ASCC3: variants seen among roughly 807,000 people sequenced by gnomAD.
ASCC3 encodes the protein activating signal cointegrator 1 complex subunit 3, also known as ASC-1 complex subunit P200.
Under a neutral mutation model 256.3 loss-of-function variants are expected in ASCC3, and 158 were observed. The observed-to-expected ratio is 0.62, with a 90% CI of 0.54 to 0.70. The LOEUF is 0.70. ASCC3 is among the 30% of genes least tolerant of loss of function. The pLI is 0.00. For missense variants in ASCC3, 2,259 were observed against 2,626.0 expected (o/e 0.86, Z 3.05); for synonymous variants, 948 against 883.4 (o/e 1.07, Z -1.30).
chr6:100,837,612 A>C (rs946679057), intron 4 of ASCC3, among the ~76,000 whole-genome samples: 19 of 152,156 alleles, frequency 1.2e-4, no homozygotes, highest in African/African-American at 4.6e-4. Flanking sequence ...CATTATGTTA[A>C]GTAAAATAAG....
At chr6:100,855,507 G>T (rs1348002809) in intron 3 of ASCC3, among the ~76,000 whole-genome samples, 1 of 152,144 alleles carries the variant, frequency 6.6e-6, no homozygotes, top group Non-Finnish European at 1.5e-5. Context: ...AAGTACTCTT[G>T]ATTTTTATAA....
intron 40 of ASCC3, 80 bp from the exon 41 acceptor site, chr6:100,510,187 T>C (rs2114597733): frequency 6.8e-7 from 1 of 1,480,782 alleles, no homozygotes; most frequent in South Asian, 1.1e-5. Context: ...GGCTACGTTG[T>C]CTTACTTGAA....
At chr6:100,872,740 G>T (rs1010771269) in intron 1 of ASCC3, among the ~76,000 whole-genome samples, 3 of 152,118 alleles carry the variant, frequency 2.0e-5, no homozygotes, top group Non-Finnish European at 2.9e-5. Flanking sequence ...CCCAGTACCA[G>T]CCCAAAGCCT....
chr6:100,605,557 A>G lies in ASCC3; in HGVS notation c.5177+11T>C, dbSNP rs754865218. 59 of 1,469,238 alleles carry G rather than the reference A, an allele frequency of 4.0e-5. No homozygotes were observed. Among genetic ancestry groups the G allele is most frequent in the East Asian group, 2.3e-5 (1 of 44,076 alleles). The allele number at this position is 1,469,238 out of a possible 1,614,324, so 91.0% of individuals were successfully genotyped here. A position where few individuals can be genotyped will look rare whatever the true frequency, so the allele number is the denominator to read the frequency against. On this transcript the variant is annotated intron_variant, in intron 33 of 41. Transcript: ENST00000369162. ...AATAAATCCATTTAAACTAATTTAA[A>G]TAAGATTTACCTTGATTCTACTGGG...
intron 18 of ASCC3, among the ~76,000 whole-genome samples, chr6:100,652,360 G>A (rs1390725096): frequency 6.6e-6 from 1 of 152,098 alleles, no homozygotes; most frequent in Non-Finnish European, 1.5e-5. Flanking sequence ...TATGTTTAAA[G>A]GTTTTGAAGA....
At chr6:100,716,859 C>T (rs1779110576) in intron 12 of ASCC3, among the ~76,000 whole-genome samples, 1 of 151,882 alleles carries the variant, frequency 6.6e-6, no homozygotes, top group Non-Finnish European at 1.5e-5. Context: ...AAACAACTGT[C>T]TTCTCTTTAT....
At chr6:100,828,855 G>A (rs981580981) in intron 4 of ASCC3, among the ~76,000 whole-genome samples, 1 of 152,068 alleles carries the variant, frequency 6.6e-6, no homozygotes, top group Non-Finnish European at 1.5e-5. Flanking sequence ...CAAGCAGGTT[G>A]CCACTGCTAG....
At chr6:100,553,676 T>G (rs1769417836) in intron 36 of ASCC3, among the ~76,000 whole-genome samples, 1 of 152,042 alleles carries the variant, frequency 6.6e-6, no homozygotes, top group African/African-American at 2.4e-5. Context: ...TGTAACCCCC[T>G]GCTACTGTTT....
chr6:100,759,202 G>A (rs1420907752), intron 10 of ASCC3, among the ~76,000 whole-genome samples: 3 of 152,122 alleles, frequency 2.0e-5, no homozygotes, highest in South Asian at 4.1e-4. Flanking sequence ...TGTTTACTCT[G>A]ATGATAGTTT....
intron 8 of ASCC3, among the ~76,000 whole-genome samples, chr6:100,794,032 TACAC>T (rs1769481957): frequency 1.3e-5 from 2 of 152,052 alleles, no homozygotes; most frequent in African/African-American, 4.8e-5. Context: ...AGGTCTTACA[TACAC>T]TAGCAGCTAA....
chr6:100,840,130 G>A (rs1463454642), intron 4 of ASCC3, among the ~76,000 whole-genome samples: 1 of 152,104 alleles, frequency 6.6e-6, no homozygotes, highest in Admixed American at 6.6e-5. Context: ...AAACTTGGGA[G>A]AAAATGGGCA....
chr6:100,627,076 T>C (rs1774275120), intron 29 of ASCC3, among the ~76,000 whole-genome samples: 1 of 152,192 alleles, frequency 6.6e-6, no homozygotes, highest in Admixed American at 6.6e-5. Context: ...GAGGTTATTT[T>C]TAATTGATAT....
chr6:100,511,873 G>A (rs1248882847), intron 40 of ASCC3, among the ~76,000 whole-genome samples: 7 of 152,282 alleles, frequency 4.6e-5, no homozygotes, highest in South Asian at 4.2e-4. Flanking sequence ...ATCATTTTGT[G>A]TGTGAGAACA....
At chr6:100,512,981 A>G in intron 39 of ASCC3, 63 bp from the exon 40 acceptor site, 1 of 1,439,340 alleles carries the variant, frequency 6.9e-7, no homozygotes, top group South Asian at 1.2e-5. Flanking sequence ...TGATCAATTA[A>G]GAAATAGTGT....
At position 100,564,150 on chromosome 6, in the gene ASCC3, T is replaced by G. The variant is rs571671871; in HGVS notation, c.5551-23763A>C. On this transcript the variant is annotated intron_variant, in intron 36 of 41. Coordinates refer to ENST00000369162, the MANE Select transcript of ASCC3 (RefSeq NM_006828.4). ...GTTGTACATATTCATGGGGTACATG[T>G]GTTTTTTTTTTTAATACGTGCATAC... Among the ~76,000 whole-genome samples, 8 of 151,946 alleles carry G rather than the reference T, an allele frequency of 5.3e-5. No individual in the cohort carries two copies. In the South Asian group the frequency reaches 1.5e-3, roughly 28 times the overall value.
chr6:100,640,456 C>G (rs1033591973), intron 24 of ASCC3, among the ~76,000 whole-genome samples: 10 of 151,902 alleles, frequency 6.6e-5, no homozygotes, highest in Non-Finnish European at 1.2e-4. Flanking sequence ...CAGAACTCAG[C>G]TAATTATATA....
chr6:100,834,948 T>C (rs1771802761), intron 4 of ASCC3, among the ~76,000 whole-genome samples: 1 of 152,142 alleles, frequency 6.6e-6, no homozygotes, highest in Admixed American at 6.5e-5. Flanking sequence ...GAAGTTTATT[T>C]TATGAAACTG....
chr6:100,566,186 C>T (rs530124190), intron 36 of ASCC3, among the ~76,000 whole-genome samples: 1 of 152,208 alleles, frequency 6.6e-6, no homozygotes, highest in South Asian at 2.1e-4. Context: ...ATGTATAATG[C>T]TTTATAAACA....
At chr6:100,769,060 T>A (rs1454071721) in intron 8 of ASCC3, among the ~76,000 whole-genome samples, 2 of 152,088 alleles carry the variant, frequency 1.3e-5, no homozygotes, top group African/African-American at 4.8e-5. Context: ...TATGTCAAAA[T>A]TTGCAGAGAC....
Sources: gnomAD v4.1 joint callset for allele counts (sites outside exome capture counted in the v4.1 genomes callset) on GRCh38, gnomAD v4.1.1 for gene constraint, MANE v1.5 for transcripts, NCBI Gene and HGNC (gene_info 2026-07-23, HGNC 2026-07-21) for gene names.